The following MAP4K3 variants were observed in gnomAD, a reference collection of about 807,000 sequenced individuals.
The protein encoded by MAP4K3 is MAPK/ERK kinase kinase kinase 3.
MAP4K3 carries 94 observed loss-of-function variants against 143.5 expected under a neutral mutation model. The ratio of observed to expected loss-of-function variants is 0.65; its 90% CI spans 0.55 to 0.78. The LOEUF (loss-of-function observed/expected upper bound fraction) is 0.78. Among genes scored for constraint, MAP4K3 ranks in the 30% least tolerant of loss-of-function variants. The pLI, the probability that MAP4K3 is intolerant of heterozygous loss-of-function variation, is 0.00. For missense variants in MAP4K3, 1,077 were observed against 1,068.1 expected (o/e 1.01, Z -0.12); for synonymous variants, 416 against 347.2 (o/e 1.20, Z -2.20).
chr2:39,257,972 C>T (rs1680412515), intron 31 of MAP4K3, among the ~76,000 whole-genome samples: 1 of 152,082 alleles, frequency 6.6e-6, no homozygotes, highest in Non-Finnish European at 1.5e-5. Context: ...TCGTTCCTCA[C>T]CCAGGCTGGA....
At chr2:39,359,524 C>A (rs1021861983) in intron 2 of MAP4K3, among the ~76,000 whole-genome samples, 2 of 152,248 alleles carry the variant, frequency 1.3e-5, no homozygotes, top group Non-Finnish European at 1.5e-5. Flanking sequence ...CACCTTCTCA[C>A]AGTTCCACTA....
In MAP4K3 at chr2:39,250,692, C is replaced by T; in HGVS notation, c.2611G>A (p.Glu871Lys). The change falls in exon 34 of 34, where the codon GAA (glutamate) becomes AAA (lysine). Residue 871 changes from glutamate (E) to lysine (K), a missense_variant. Coordinates refer to ENST00000263881, the MANE Select transcript of MAP4K3 (RefSeq NM_003618.4). ...LLGSDRVVVL[E>K]SRPTDNPTAN... The stretch of plus-strand genomic sequence containing the variant: ...GTGGGGTTATCAGTTGGCCTACTTT[C>T]CAAAACCACGACCCTGAAAGTAATA... 6.2e-7 allele frequency: 1 copy of T among 1,613,542 alleles called. No individual in the cohort carries two copies. Among genetic ancestry groups the T allele is most frequent in the Non-Finnish European group, 8.5e-7 (1 of 1,179,618 alleles).
intron 3 of MAP4K3, among the ~76,000 whole-genome samples, chr2:39,349,961 G>C (rs1309308292): frequency 6.6e-6 from 1 of 152,072 alleles, no homozygotes; most frequent in African/African-American, 2.4e-5. Context: ...TTTTTGCTTA[G>C]AGTAGTAGTT....
intron 29 of MAP4K3, 149 bp downstream of exon 29, chr2:39,260,457 A>G (rs1680521356): frequency 6.0e-6 from 4 of 667,324 alleles, no homozygotes; most frequent in Non-Finnish European, 1.0e-5. Context: ...GCTATTTTAA[A>G]GAGAGTAATC....
intron 2 of MAP4K3, among the ~76,000 whole-genome samples, chr2:39,373,642 G>A (rs1666139933): frequency 6.6e-6 from 1 of 152,186 alleles, no homozygotes; most frequent in Non-Finnish European, 1.5e-5. Context: ...GCAACAACAT[G>A]GGTGGAACTG....
At chr2:39,353,708 C>T (rs1287249004) in intron 3 of MAP4K3, among the ~76,000 whole-genome samples, 1 of 152,100 alleles carries the variant, frequency 6.6e-6, no homozygotes, top group Admixed American at 6.5e-5. Context: ...AATAATGATA[C>T]TTTTAAAAAG....
At chr2:39,273,902 G>A (rs982863106) in intron 24 of MAP4K3, among the ~76,000 whole-genome samples, 7 of 152,128 alleles carry the variant, frequency 4.6e-5, no homozygotes, top group African/African-American at 1.7e-4. Context: ...GGTAGAGAAG[G>A]GGCAATGACT....
At chr2:39,421,617 C>T (rs781770014) in intron 1 of MAP4K3, among the ~76,000 whole-genome samples, 1 of 152,086 alleles carries the variant, frequency 6.6e-6, no homozygotes, top group Non-Finnish European at 1.5e-5. Flanking sequence ...AATGAGAATA[C>T]CTATAAAGCA....
At chr2:39,257,327 T>C (rs1680380242) in intron 31 of MAP4K3, among the ~76,000 whole-genome samples, 1 of 152,172 alleles carries the variant, frequency 6.6e-6, no homozygotes, top group Non-Finnish European at 1.5e-5. Flanking sequence ...AAAATACTCC[T>C]ATTAAGCAAA....
chr2:39,406,960 T>C (rs1667113738), intron 1 of MAP4K3, among the ~76,000 whole-genome samples: 1 of 152,158 alleles, frequency 6.6e-6, no homozygotes, highest in Non-Finnish European at 1.5e-5. Context: ...CAGACAAATA[T>C]ACCTCATGAA....
chr2:39,409,193 C>T (rs1226219954), intron 1 of MAP4K3, among the ~76,000 whole-genome samples: 4 of 152,248 alleles, frequency 2.6e-5, no homozygotes, highest in South Asian at 2.1e-4. Flanking sequence ...ATGATTTCTT[C>T]GCCTTTCCTT....
chr2:39,356,193 A>T, intron 3 of MAP4K3, 56 bp downstream of exon 3: 1 of 977,290 alleles, frequency 1.0e-6, no homozygotes, highest in Non-Finnish European at 1.6e-6. Flanking sequence ...TATTTTGTTT[A>T]ATGCATTAGG....
chr2:39,333,568 T>C lies in MAP4K3; in HGVS notation c.421A>G (p.Asn141Asp). ...GKMHRDIKGA[N>D]ILLTDNGHVK... ...TGACCATTATCCGTTAATAGAATGTTAGCTCCCTTCAAAGTAACAATATTT... is the reference window on the plus strand; with the variant it reads ...TGACCATTATCCGTTAATAGAATGTCAGCTCCCTTCAAAGTAACAATATTT... Residue 141 changes from asparagine to aspartate, a missense_variant, in exon 7 of 34, where the codon AAC (asparagine) becomes GAC (aspartate). Transcript: ENST00000263881. The C allele has an allele frequency of 6.2e-7, 1 of 1,601,102 alleles. No homozygotes were observed.
chr2:39,338,471 TA>T (rs1329606210), intron 4 of MAP4K3, among the ~76,000 whole-genome samples: 1 of 152,198 alleles, frequency 6.6e-6, no homozygotes, highest in African/African-American at 2.4e-5. Flanking sequence ...GCAATACCAA[TA>T]GTTTGGTCTA....
At chr2:39,370,489 T>C (rs775245390) in intron 2 of MAP4K3, among the ~76,000 whole-genome samples, 1 of 152,046 alleles carries the variant, frequency 6.6e-6, no homozygotes, top group Non-Finnish European at 1.5e-5. Context: ...CTACTACCTC[T>C]CAGGAAAGAA....
At chr2:39,318,800 T>C (rs1194228563) in intron 12 of MAP4K3, among the ~76,000 whole-genome samples, 1 of 152,174 alleles carries the variant, frequency 6.6e-6, no homozygotes, top group Non-Finnish European at 1.5e-5. Context: ...ATGATTATTG[T>C]TATCATCAAA....
intron 3 of MAP4K3, among the ~76,000 whole-genome samples, chr2:39,344,520 GGCT>G (rs1665230573): frequency 6.6e-6 from 1 of 152,198 alleles, no homozygotes; most frequent in South Asian, 2.1e-4. Context: ...TATACTGTAT[GGCT>G]GCTTTCACGC....
chr2:39,265,682 C>A (rs939995138), intron 27 of MAP4K3, among the ~76,000 whole-genome samples: 1 of 152,162 alleles, frequency 6.6e-6, no homozygotes, highest in Non-Finnish European at 1.5e-5. Flanking sequence ...AGATACAACA[C>A]ATTCGGGTGG....
chr2:39,307,094 T>C (rs1400060164), intron 15 of MAP4K3, among the ~76,000 whole-genome samples: 1 of 152,100 alleles, frequency 6.6e-6, no homozygotes, highest in African/African-American at 2.4e-5. Context: ...ATATAAAGAA[T>C]CATTTAAGCC....
Sources: gnomAD v4.1 joint callset for allele counts (sites outside exome capture counted in the v4.1 genomes callset) on GRCh38, gnomAD v4.1.1 for gene constraint, MANE v1.5 for transcripts, NCBI Gene and HGNC (gene_info 2026-07-23, HGNC 2026-07-21) for gene names.